MATCAP1: variants seen among roughly 807,000 people sequenced by gnomAD.
MATCAP1 encodes the protein microtubule associated tyrosine carboxypeptidase 1, also known as microtubule-associated tyrosine carboxypeptidase 1.
At chr16:67,179,040 A>T in the MATCAP1 span, 1 of 1,083,628 alleles carries the variant, frequency 9.2e-7, no homozygotes, top group African/African-American at 1.7e-5. The surrounding 1 kb of genome is among the most constrained non-coding windows in gnomAD (Gnocchi z 5.2). Flanking sequence ...CCTCAAGTCA[A>T]GTCCATTCCC....
At chr16:67,177,929 C>G in the MATCAP1 span, 2 of 1,287,654 alleles carry the variant, frequency 1.6e-6, no homozygotes, top group East Asian at 2.3e-5. Context: ...AGCCCTCGGT[C>G]TAGCACCAAT....
At chr16:67,180,566 G>A in the MATCAP1 span, 23 of 1,526,718 alleles carry the variant, frequency 1.5e-5, no homozygotes, top group Admixed American at 2.2e-5. Context: ...TAGGCGGGCT[G>A]GGGGGTGCCT....
At chr16:67,182,776 G>A in the MATCAP1 span, among the ~76,000 whole-genome samples, 17 of 152,164 alleles carry the variant, frequency 1.1e-4, no homozygotes, top group Non-Finnish European at 2.4e-4. Context: ...CATGTTATTA[G>A]AAAAGCCTAA....
the MATCAP1 span, chr16:67,178,421 C>A: frequency 1.9e-6 from 3 of 1,540,420 alleles, no homozygotes; most frequent in Non-Finnish European, 2.6e-6. Context: ...GTGGGGTTCG[C>A]CGGCCGCAGC....
chr16:67,180,724 G>A, the MATCAP1 span: 1 of 675,168 alleles, frequency 1.5e-6, no homozygotes, highest in Non-Finnish European at 2.3e-6. Flanking sequence ...CAAACGACCA[G>A]CAGGCCCTGT....
the MATCAP1 span, chr16:67,177,890 TC>T: frequency 4.9e-6 from 4 of 820,018 alleles, no homozygotes; most frequent in Admixed American, 2.5e-5. Context: ...CCACCCACGC[TC>T]CCCCCTACCA....
the MATCAP1 span, among the ~76,000 whole-genome samples, chr16:67,182,200 G>C: frequency 1.4e-5 from 2 of 143,974 alleles, no homozygotes; most frequent in Non-Finnish European, 3.0e-5. Context: ...GGTGAGCCAA[G>C]ATTGTGCCAT....
the MATCAP1 span, chr16:67,178,592 G>A: frequency 1.7e-6 from 2 of 1,204,450 alleles, no homozygotes; most frequent in Non-Finnish European, 2.4e-6. Flanking sequence ...CCATCTGGCC[G>A]GGGCTCTGGC....
At chr16:67,181,716 A>C in the MATCAP1 span, 1 of 151,452 alleles carries the variant, frequency 6.6e-6, no homozygotes, top group Admixed American at 6.6e-5. Flanking sequence ...ACAAAACAAA[A>C]CCCTCACTAG....
chr16:67,180,650 C>A, the MATCAP1 span: 3 of 1,427,066 alleles, frequency 2.1e-6, no homozygotes, highest in Non-Finnish European at 2.8e-6. Context: ...CACTCCAACT[C>A]CCCACACTGT....
At chr16:67,178,178 C>G in the MATCAP1 span, 13 of 1,535,854 alleles carry the variant, frequency 8.5e-6, no homozygotes, top group Non-Finnish European at 1.1e-5. Flanking sequence ...CTCTAGGCAC[C>G]TCCCCCGCGC....
the MATCAP1 span, chr16:67,179,744 T>C: frequency 6.3e-7 from 1 of 1,597,266 alleles, no homozygotes; most frequent in Non-Finnish European, 8.6e-7. This position sits in a 1 kb window ranked among gnomAD's most constrained non-coding sequence, Gnocchi z 5.2. Flanking sequence ...GGTGTGGAGC[T>C]GGACCTGGGA....
the MATCAP1 span, among the ~76,000 whole-genome samples, chr16:67,182,974 C>T: frequency 1.3e-5 from 2 of 152,202 alleles, no homozygotes; most frequent in African/African-American, 4.8e-5. Flanking sequence ...TCCCCAGAAC[C>T]CAGAACAGTG....
At chr16:67,182,589 CCTTCCAACTAG>C in the MATCAP1 span, among the ~76,000 whole-genome samples, 2 of 152,256 alleles carry the variant, frequency 1.3e-5, no homozygotes, top group Admixed American at 1.3e-4. Context: ...CCCACCTCAG[CCTTCCAACTAG>C]CTGGAACCAC....
the MATCAP1 span, chr16:67,178,338 G>C: frequency 6.3e-7 from 1 of 1,579,482 alleles, no homozygotes; most frequent in African/African-American, 1.3e-5. Context: ...TGGTGTAGTA[G>C]AGCAGTGCAG....
At chr16:67,178,251 G>T in the MATCAP1 span, 1 of 1,563,142 alleles carries the variant, frequency 6.4e-7, no homozygotes. Context: ...AGTACTCCCA[G>T]CGCACATCGG....
chr16:67,178,281 C>A, the MATCAP1 span: 1 of 1,574,964 alleles, frequency 6.3e-7, no homozygotes, highest in East Asian at 2.4e-5. Flanking sequence ...CGTAGCGCTC[C>A]AGGTCCTGGA....
chr16:67,179,480 A>AGGTTGATC, the MATCAP1 span: 1 of 1,612,740 alleles, frequency 6.2e-7, no homozygotes, highest in Non-Finnish European at 8.5e-7. This position sits in a 1 kb window ranked among gnomAD's most constrained non-coding sequence, Gnocchi z 5.2. Context: ...GGCTCCGGTC[A>AGGTTGATC]GGTTGATCGC....
the MATCAP1 span, chr16:67,177,938 AT>A: frequency 7.2e-7 from 1 of 1,387,090 alleles, no homozygotes; most frequent in South Asian, 1.2e-5. Context: ...TCTAGCACCA[AT>A]CCGAGGCTCA....
Sources: gnomAD v4.1 joint callset for allele counts (sites outside exome capture counted in the v4.1 genomes callset) on GRCh38, gnomAD v4.1.1 for gene constraint, Gnocchi (gnomAD v3.1) non-coding constraint, MANE v1.5 for transcripts, NCBI Gene and HGNC (gene_info 2026-07-23, HGNC 2026-07-21) for gene names.